PCDHA2: variants seen among roughly 807,000 people sequenced by gnomAD.
The protein encoded by PCDHA2 is protocadherin alpha-2.
Under a neutral mutation model 66.0 loss-of-function variants are expected in PCDHA2, and 58 were observed. That is an observed-to-expected ratio of 0.88 (90% CI 0.71 to 1.09). The LOEUF (loss-of-function observed/expected upper bound fraction) is 1.09. PCDHA2 is among the 50% of genes least tolerant of loss of function. PCDHA2 has a pLI of 0.00. For synonymous variants in PCDHA2, 634 were observed against 554.0 expected (o/e 1.14, Z -2.03); for missense variants, 1,267 against 1,242.3 (o/e 1.02, Z -0.30).
intron 1 of PCDHA2, among the ~76,000 whole-genome samples, chr5:140,891,739 C>T (rs1433506044): frequency 4.6e-5 from 7 of 152,116 alleles, no homozygotes; most frequent in Non-Finnish European, 2.9e-5. Flanking sequence ...AATTCAATCC[C>T]TTATACAACA....
At chr5:140,807,184 A>G in intron 1 of PCDHA2, 2 of 1,612,714 alleles carry the variant, frequency 1.2e-6, no homozygotes, top group Non-Finnish European at 1.7e-6. Context: ...ACTGTGCACT[A>G]AAGATGGAGT....
intron 1 of PCDHA2, chr5:140,853,500 T>C (rs2042770346): frequency 1.0e-6 from 1 of 977,532 alleles, no homozygotes; most frequent in Non-Finnish European, 1.2e-6. Flanking sequence ...GTTAGAATCA[T>C]GAAACAATAA....
intron 3 of PCDHA2, among the ~76,000 whole-genome samples, chr5:141,003,794 G>A (rs1158199764): frequency 6.6e-6 from 1 of 152,102 alleles, no homozygotes; most frequent in Non-Finnish European, 1.5e-5. Context: ...AAATCCTATT[G>A]GGTTGTAATC....
At chr5:140,982,348 T>A (rs1253085859) in intron 2 of PCDHA2, 127 bp from the exon 3 acceptor site, 1 of 1,496,080 alleles carries the variant, frequency 6.7e-7, no homozygotes, top group East Asian at 2.4e-5. Flanking sequence ...TTGCTTCAGT[T>A]CAAGCATGAG....
intron 1 of PCDHA2, chr5:140,843,382 G>C: frequency 6.3e-7 from 1 of 1,596,126 alleles, no homozygotes; most frequent in Non-Finnish European, 8.6e-7. Flanking sequence ...CTGGCGTTTT[G>C]GGTCCGGAAG....
intron 1 of PCDHA2, chr5:140,856,983 G>A: frequency 6.3e-7 from 1 of 1,595,186 alleles, no homozygotes; most frequent in Non-Finnish European, 8.6e-7. Flanking sequence ...TTTGAGGACA[G>A]TAACACTTAT....
chr5:140,902,171 A>T, intron 1 of PCDHA2, among the ~76,000 whole-genome samples: 1 of 144,502 alleles, frequency 6.9e-6, no homozygotes, highest in Non-Finnish European at 1.5e-5. Flanking sequence ...TCTAATTTGG[A>T]TGTCCTTTAT....
At position 140,982,439 on chromosome 5, in the gene PCDHA2, G is replaced by A. The variant is rs553328430; in HGVS notation, c.2448-36G>A. The A allele has an allele frequency of 6.8e-5, 109 of 1,613,560 alleles. 3 individuals carry two copies. In the South Asian group the frequency reaches 1.0e-3, roughly 15 times the overall value. On this transcript the variant is annotated intron_variant, in intron 2 of 3. Transcript: ENST00000526136. ...GAAGAAGAGATGGGAAAGAATTTAT[G>A]ATCTAACCGTTATCTGGGTCTGTGT... is the stretch of plus-strand genomic sequence containing the variant.
intron 1 of PCDHA2, chr5:140,884,342 G>T (rs782616190): frequency 6.2e-7 from 1 of 1,613,902 alleles, no homozygotes; most frequent in Admixed American, 1.7e-5. Flanking sequence ...TCCAGAAGCG[G>T]CGCTGGTGGA....
rs142005953 is a variant in PCDHA2, at chr5:140,843,471, T to C, written c.2388+46119T>C. 21 of 1,595,832 alleles carry C rather than the reference T, an allele frequency of 1.3e-5. 2 individuals are homozygous for C. In the African/African-American group the frequency reaches 1.7e-4, roughly 13 times the overall value. On this transcript the variant is annotated intron_variant, in intron 1 of 3. Coordinates refer to ENST00000526136, the MANE Select transcript of PCDHA2 (RefSeq NM_018905.3). ...AGCCTGCTGGTGCTCACGCTGCTGC[T>C]GTACACTGCGCTGCGGTGCTCAGCA...
At chr5:140,969,493 C>T (rs1240479958) in intron 1 of PCDHA2, 5 of 1,445,166 alleles carry the variant, frequency 3.5e-6, no homozygotes, top group Non-Finnish European at 4.6e-6. Flanking sequence ...GCTATTTCCT[C>T]TCTAGAAAAA....
rs1474245483 is a variant in PCDHA2, at chr5:140,946,429, A to C, written c.2389-32520A>C. Reference sequence around the variant, plus strand: ...ATAGAAAACAATATGGAGGTTACTCAAAAATTGAGACTAAAACAACTATCC... The same window carrying C: ...ATAGAAAACAATATGGAGGTTACTCCAAAATTGAGACTAAAACAACTATCC... On this transcript the variant is annotated intron_variant, in intron 1 of 3. Coordinates refer to ENST00000526136, the MANE Select transcript of PCDHA2 (RefSeq NM_018905.3). 2.0e-5 allele frequency among the ~76,000 whole-genome samples: 3 copies of C among 151,826 alleles called. No homozygotes were observed. In the East Asian group the frequency reaches 5.8e-4, roughly 29 times the overall value.
At chr5:140,896,572 T>C (rs1208639295) in intron 1 of PCDHA2, among the ~76,000 whole-genome samples, 5 of 152,002 alleles carry the variant, frequency 3.3e-5, no homozygotes, top group Admixed American at 3.3e-4. Context: ...AGATGGGGTT[T>C]TGACGTGTTG....
chr5:140,835,187 T>A (rs2150231689), intron 1 of PCDHA2: 1 of 1,533,756 alleles, frequency 6.5e-7, no homozygotes, highest in Non-Finnish European at 8.8e-7. Context: ...ATGCCTCAGA[T>A]TTAGACGAAG....
chr5:140,869,817 T>G, intron 1 of PCDHA2: 1 of 1,612,264 alleles, frequency 6.2e-7, no homozygotes, highest in Non-Finnish European at 8.5e-7. Flanking sequence ...TCAACGACAA[T>G]GATCCAGAGT....
intron 1 of PCDHA2, among the ~76,000 whole-genome samples, chr5:140,820,606 G>T (rs2150107398): frequency 6.6e-6 from 1 of 151,906 alleles, no homozygotes; most frequent in Non-Finnish European, 1.5e-5. Context: ...TTTCTAGGTC[G>T]TGTTCAAATC....
At chr5:140,883,333 G>T (rs1554177722) in intron 1 of PCDHA2, 1 of 1,614,066 alleles carries the variant, frequency 6.2e-7, no homozygotes, top group Non-Finnish European at 8.5e-7. Flanking sequence ...TCACTTCTTT[G>T]TCACTCCCCA....
At chr5:140,863,278 G>A (rs1554158055) in intron 1 of PCDHA2, 3 of 1,461,976 alleles carry the variant, frequency 2.1e-6, no homozygotes, top group South Asian at 1.1e-5. Flanking sequence ...GCTGGTGGAT[G>A]TCAACGTGTA....
chr5:140,944,136 G>A (rs536816208), intron 1 of PCDHA2, among the ~76,000 whole-genome samples: 3 of 152,136 alleles, frequency 2.0e-5, no homozygotes, highest in African/African-American at 7.2e-5. Context: ...AAAGGTTGAA[G>A]ATTAGAAGAG....
Sources: gnomAD v4.1 joint callset for allele counts (sites outside exome capture counted in the v4.1 genomes callset) on GRCh38, gnomAD v4.1.1 for gene constraint, MANE v1.5 for transcripts, NCBI Gene and HGNC (gene_info 2026-07-23, HGNC 2026-07-21) for gene names.